FAM135A: variants seen among roughly 807,000 people sequenced by gnomAD.
FAM135A encodes protein FAM135A.
A neutral mutation model predicts 146.8 loss-of-function variants in FAM135A; 79 were observed. The observed-to-expected ratio is 0.54, with a 90% CI of 0.45 to 0.65. The LOEUF (loss-of-function observed/expected upper bound fraction) is 0.65, where lower values mean the gene tolerates loss of function less well. Among genes scored for constraint, FAM135A ranks in the 30% least tolerant of loss-of-function variants. The pLI is 0.00. For synonymous variants in FAM135A, 562 were observed against 603.6 expected (o/e 0.93, Z 1.01); for missense variants, 1,623 against 1,758.2 (o/e 0.92, Z 1.38).
chr6:70,535,299 A>G (rs1246529422), intron 18 of FAM135A, among the ~76,000 whole-genome samples: 1 of 152,136 alleles, frequency 6.6e-6, no homozygotes. Flanking sequence ...GGAATCTTAT[A>G]CCATCTGTTG....
chr6:70,429,818 T>C (rs1771091632), intron 4 of FAM135A, among the ~76,000 whole-genome samples: 1 of 151,838 alleles, frequency 6.6e-6, no homozygotes, highest in Non-Finnish European at 1.5e-5. Context: ...CACTTGATAG[T>C]AACTCAAGAT....
At chr6:70,424,641 A>G (rs1769618716) in intron 2 of FAM135A, among the ~76,000 whole-genome samples, 1 of 152,206 alleles carries the variant, frequency 6.6e-6, no homozygotes, top group African/African-American at 2.4e-5. Flanking sequence ...TAAACCTGAC[A>G]TGGGGTATTG....
intron 4 of FAM135A, among the ~76,000 whole-genome samples, chr6:70,442,238 G>GTTTTTTTTTTTTTTTTTTTTTTT (rs147268217): frequency 1.5e-5 from 2 of 136,410 alleles, no homozygotes; most frequent in African/African-American, 5.6e-5. Flanking sequence ...TTTCTTCATG[G>GTTTTTTTTTTTTTTTTTTTTTTT]GTTTTTTTTT....
At chr6:70,438,491 CAT>C (rs1232703536) in intron 4 of FAM135A, among the ~76,000 whole-genome samples, 16 of 152,286 alleles carry the variant, frequency 1.1e-4, no homozygotes, top group African/African-American at 3.4e-4. Context: ...TTTTGTCCAG[CAT>C]ATATCTATGT....
In FAM135A at chr6:70,435,955, A is replaced by G. The variant is rs1773020257; in HGVS notation, c.77+7536A>G. On this transcript the variant is annotated intron_variant, in intron 4 of 21. Transcript: ENST00000418814. ...TCCCAGCACTTTGGGAGGCCGAAGC[A>G]GGCTGATCACCTGAGGTCAGGAGTT... is the stretch of plus-strand genomic sequence containing the variant. Among the ~76,000 whole-genome samples, 4 of 152,282 alleles carry G rather than the reference A, an allele frequency of 2.6e-5. No homozygotes were observed. The South Asian group carries it at 6.2e-4, about 24-fold the overall frequency.
At chr6:70,425,101 A>G (rs1769756327) in intron 2 of FAM135A, among the ~76,000 whole-genome samples, 1 of 148,622 alleles carries the variant, frequency 6.7e-6, no homozygotes, top group South Asian at 2.1e-4. Flanking sequence ...TATCTAATAT[A>G]TATTTATATA....
At chr6:70,489,488 G>T (rs1785432512) in intron 10 of FAM135A, among the ~76,000 whole-genome samples, 1 of 152,026 alleles carries the variant, frequency 6.6e-6, no homozygotes, top group African/African-American at 2.4e-5. Flanking sequence ...TACCGGGTGG[G>T]GTACAGCGTC....
intron 2 of FAM135A, among the ~76,000 whole-genome samples, chr6:70,421,675 A>T (rs1768891445): frequency 6.6e-6 from 1 of 152,166 alleles, no homozygotes; most frequent in Non-Finnish European, 1.5e-5. Flanking sequence ...ACTTGGCTGG[A>T]TTCTCACTTA....
At chr6:70,464,667 C>CTTTTTTTTTTTTTTT (rs533623758) in intron 5 of FAM135A, among the ~76,000 whole-genome samples, 3 of 99,380 alleles carry the variant, frequency 3.0e-5, no homozygotes, top group South Asian at 3.1e-4. Context: ...TCTTTTTTTT[C>CTTTTTTTTTTTTTTT]TTTTTTTTTT....
chr6:70,559,510 TAG>T (rs1801559180), intron 21 of FAM135A, among the ~76,000 whole-genome samples: 2 of 152,078 alleles, frequency 1.3e-5, no homozygotes, highest in Non-Finnish European at 2.9e-5. Flanking sequence ...TCCACTTGAC[TAG>T]ATAATGTGAT....
chr6:70,442,667 A>G (rs1418919222), intron 4 of FAM135A, among the ~76,000 whole-genome samples: 1 of 152,176 alleles, frequency 6.6e-6, no homozygotes, highest in Non-Finnish European at 1.5e-5. Flanking sequence ...TTAAAAGTAT[A>G]TCTTAGAGGT....
chr6:70,524,247 G>T (rs1794222131), intron 14 of FAM135A, 96 bp from the exon 15 acceptor site: 5 of 1,385,012 alleles, frequency 3.6e-6, no homozygotes, highest in Non-Finnish European at 4.8e-6. Flanking sequence ...ATTTATGTTT[G>T]AGGATATTAG....
At chr6:70,481,523 C>T (rs1201998371) in intron 9 of FAM135A, among the ~76,000 whole-genome samples, 1 of 152,030 alleles carries the variant, frequency 6.6e-6, no homozygotes, top group Non-Finnish European at 1.5e-5. Context: ...GTCCCAACTG[C>T]TAGGGAGCCT....
At chr6:70,536,131 C>T (rs1582824008) in intron 18 of FAM135A, 129 bp from the exon 19 acceptor site, 1 of 779,884 alleles carries the variant, frequency 1.3e-6, no homozygotes, top group East Asian at 2.9e-5. Flanking sequence ...TTCAAAGTAT[C>T]ACTATACTTT....
chr6:70,555,486 C>T (rs1446526228), intron 20 of FAM135A, among the ~76,000 whole-genome samples: 4 of 152,096 alleles, frequency 2.6e-5, no homozygotes, highest in Non-Finnish European at 5.9e-5. Context: ...CTCTTGGGCT[C>T]AGGCAATTTT....
intron 11 of FAM135A, among the ~76,000 whole-genome samples, chr6:70,494,141 G>T (rs1319645450): frequency 6.7e-6 from 1 of 149,810 alleles, no homozygotes; most frequent in Non-Finnish European, 1.5e-5. Flanking sequence ...AGTGAAAATT[G>T]TATGAAACTA....
chr6:70,424,217 G>T (rs1769519836), intron 2 of FAM135A, among the ~76,000 whole-genome samples: 1 of 152,164 alleles, frequency 6.6e-6, no homozygotes, highest in South Asian at 2.1e-4. Flanking sequence ...CACTTTGAAG[G>T]CTATTCAGTT....
intron 12 of FAM135A, among the ~76,000 whole-genome samples, chr6:70,505,645 A>G (rs1480302996): frequency 6.6e-6 from 1 of 151,934 alleles, no homozygotes; most frequent in African/African-American, 2.4e-5. Flanking sequence ...TATCTTTTTA[A>G]TATCTACAAT....
chr6:70,534,716 A>G (rs1337684198), intron 18 of FAM135A, among the ~76,000 whole-genome samples: 3 of 152,142 alleles, frequency 2.0e-5, no homozygotes, highest in African/African-American at 7.2e-5. Flanking sequence ...TTGTTAATAG[A>G]TGTAGGAGAG....
Sources: allele counts gnomAD v4.1 joint callset (sites outside exome capture counted in the v4.1 genomes callset), GRCh38; gene constraint gnomAD v4.1.1; transcripts MANE v1.5; gene names NCBI Gene and HGNC (gene_info 2026-07-23, HGNC 2026-07-21).